ZNF234: variants seen among roughly 807,000 people sequenced by gnomAD.
ZNF234 encodes the protein C2-H2 type zinc finger protein.
In ZNF234, 4 loss-of-function variants were observed where a neutral mutation model predicts 10.3. That is an observed-to-expected ratio of 0.39 (90% CI 0.19 to 0.89). The LOEUF (loss-of-function observed/expected upper bound fraction) is 0.89, where lower values mean the gene tolerates loss of function less well. Ranked by LOEUF, ZNF234 falls within the 40% of genes least tolerant of loss-of-function variation. The pLI is 0.38. For missense variants in ZNF234, 711 were observed against 836.1 expected (o/e 0.85, Z 1.85); for synonymous variants, 258 against 280.1 (o/e 0.92, Z 0.79).
intron 3 of ZNF234, 112 bp from the exon 4 acceptor site, chr19:44,148,659 A>T: frequency 7.0e-7 from 1 of 1,430,324 alleles, no homozygotes; most frequent in East Asian, 2.3e-5. Flanking sequence ...TCTACACATT[A>T]AGTCTCTGAA....
chr19:44,144,430 G>A (rs1780620019), intron 2 of ZNF234, 127 bp from the exon 3 acceptor site: 1 of 408,244 alleles, frequency 2.4e-6, no homozygotes, highest in Middle Eastern at 4.8e-4. Flanking sequence ...CATTTTGGTT[G>A]TGTGCAGTTT....
At position 44,157,540 on chromosome 19, in the gene ZNF234, G is replaced by A. The variant is rs757931828; in HGVS notation, c.1524G>A (p.Gly508=). The A allele has an allele frequency of 5.6e-6, 9 of 1,613,642 alleles. No homozygotes were observed. The highest frequency in any genetic ancestry group is 5.9e-6 in the Non-Finnish European group (7 of 1,179,948). The change falls in exon 6 of 6, where the codon GGG becomes GGA. Residue 508 remains glycine, a synonymous_variant. Coordinates refer to ENST00000426739, the MANE Select transcript of ZNF234 (RefSeq NM_006630.3). ...DLKIHCRIHT[G]EKPYNCEECG... ...AAATTCATTGTAGGATCCACACAGG[G>A]GAGAAACCATATAATTGTGAGGAGT...
At chr19:44,150,319 G>C (rs1968707015) in intron 4 of ZNF234, 94 bp from the exon 5 acceptor site, 1 of 800,982 alleles carries the variant, frequency 1.2e-6, no homozygotes, top group Non-Finnish European at 1.8e-6. Context: ...ACTTTTGATT[G>C]ATTGATCAGT....
chr19:44,150,639 C>T lies in ZNF234; in HGVS notation c.235+134C>T, dbSNP rs184064949. Reference sequence around the variant, plus strand: ...TGATTGCAACAGCCTTCGTACTGGGCGCACTGCATCCACCCTCAATAGTAT... The same window carrying T: ...TGATTGCAACAGCCTTCGTACTGGGTGCACTGCATCCACCCTCAATAGTAT... On this transcript the variant is annotated intron_variant, in intron 5 of 5. Coordinates refer to ENST00000426739, the MANE Select transcript of ZNF234 (RefSeq NM_006630.3). 2.9e-4 allele frequency: 179 copies of T among 626,924 alleles called. 2 individuals are homozygous for T. The highest frequency in any genetic ancestry group is 2.0e-3 in the South Asian group (94 of 46,816). 38.8% of individuals were successfully genotyped at this position (626,924 alleles called of 1,614,324 possible).
chr19:44,148,670 A>C, intron 3 of ZNF234, 101 bp from the exon 4 acceptor site: 6 of 1,532,384 alleles, frequency 3.9e-6, no homozygotes, highest in Non-Finnish European at 5.4e-6. Context: ...AGTCTCTGAA[A>C]ATCTGGACCA....
At chr19:44,144,291 C>T (rs1326624324) in intron 2 of ZNF234, among the ~76,000 whole-genome samples, 1 of 152,202 alleles carries the variant, frequency 6.6e-6, no homozygotes. Flanking sequence ...GCTTCTTTCA[C>T]TCAGCATAGT....
chr19:44,148,046 G>A (rs1322575789), intron 3 of ZNF234, among the ~76,000 whole-genome samples: 4 of 152,142 alleles, frequency 2.6e-5, no homozygotes, highest in Admixed American at 2.6e-4. Flanking sequence ...AATAATAATA[G>A]ATAATAGCTA....
chr19:44,151,367 G>A (rs576909042), intron 5 of ZNF234, among the ~76,000 whole-genome samples: 2 of 151,818 alleles, frequency 1.3e-5, no homozygotes, highest in African/African-American at 2.4e-5. Flanking sequence ...CACGTCCGGC[G>A]GATTTTTGTA....
intron 5 of ZNF234, among the ~76,000 whole-genome samples, chr19:44,154,173 T>G (rs1051243175): frequency 1.3e-5 from 2 of 152,174 alleles, no homozygotes; most frequent in Non-Finnish European, 2.9e-5. Context: ...GAACCATCCA[T>G]CTCGCTATCT....
intron 5 of ZNF234, among the ~76,000 whole-genome samples, chr19:44,153,103 G>T (rs916646895): frequency 3.4e-5 from 5 of 145,566 alleles, no homozygotes; most frequent in African/African-American, 1.3e-4. Flanking sequence ...ATAGAGACTT[G>T]TCCTCCTCAA....
chr19:44,157,996 G>T lies in ZNF234; in HGVS notation c.1980G>T (p.Arg660Ser). 6.2e-7 allele frequency: 1 copy of T among 1,613,912 alleles called. No homozygotes were observed. The highest frequency in any genetic ancestry group is 2.2e-5 in the East Asian group (1 of 44,880). ...ACAAATGTGAGATATGTGGTAAGAG[G>T]TTCAGCTGGCGATCAAATCTTGTAA... ...KPYKCEICGK[R>S]FSWRSNLVSH... The change falls in exon 6 of 6, where the codon AGG becomes AGT. Residue 660 changes from arginine (R) to serine (S), a missense_variant. Coordinates refer to ENST00000426739, the MANE Select transcript of ZNF234 (RefSeq NM_006630.3).
In ZNF234 at chr19:44,150,328, G is replaced by A. The variant is rs1344885390; in HGVS notation, c.143-85G>A. The stretch of plus-strand genomic sequence containing the variant: ...AACACTACTTTTGATTGATTGATCA[G>A]TATACAGTAGTAATTCAAATTGCCA... On this transcript the variant is annotated intron_variant, in intron 4 of 5. Transcript: ENST00000426739. The A allele has an allele frequency of 5.0e-6, 5 of 1,006,790 alleles. No individual in the cohort carries two copies. The African/African-American group carries it at 6.5e-5, about 13-fold the overall frequency. 62.4% of individuals were successfully genotyped at this position (1,006,790 alleles called of 1,614,324 possible).
intron 5 of ZNF234, among the ~76,000 whole-genome samples, chr19:44,155,189 C>A (rs1384046248): frequency 2.0e-5 from 3 of 152,064 alleles, no homozygotes; most frequent in African/African-American, 7.2e-5. Flanking sequence ...TAATAGTTGT[C>A]AGCTCATTTA....
intron 2 of ZNF234, 59 bp from the exon 3 acceptor site, chr19:44,144,498 C>T: frequency 1.6e-6 from 1 of 640,964 alleles, no homozygotes; most frequent in Non-Finnish European, 2.5e-6. Flanking sequence ...CAGTACACAT[C>T]TGTGTTGGTG....
chr19:44,149,042 A>G (rs1968670445), intron 4 of ZNF234, 145 bp downstream of exon 4: 2 of 992,820 alleles, frequency 2.0e-6, no homozygotes, highest in Non-Finnish European at 2.9e-6. Context: ...GTGAAATAAA[A>G]TGAGATAGAA....
At chr19:44,154,465 T>C (rs1358457075) in intron 5 of ZNF234, among the ~76,000 whole-genome samples, 1 of 152,138 alleles carries the variant, frequency 6.6e-6, no homozygotes, top group African/African-American at 2.4e-5. Flanking sequence ...TTAGTCAGTA[T>C]GTGGTTAGGT....
intron 1 of ZNF234, 179 bp from the exon 2 acceptor site, chr19:44,142,135 A>T (rs915992530): frequency 2.0e-5 from 3 of 152,326 alleles, no homozygotes; most frequent in African/African-American, 7.2e-5. Context: ...GAGCTCCAGC[A>T]GCAGGGGCCT....
At chr19:44,143,628 A>C (rs1442085862) in intron 2 of ZNF234, among the ~76,000 whole-genome samples, 1 of 151,002 alleles carries the variant, frequency 6.6e-6, no homozygotes, top group African/African-American at 2.4e-5. Flanking sequence ...AAAAAAAAAA[A>C]AAAAGAAAAC....
intron 5 of ZNF234, among the ~76,000 whole-genome samples, chr19:44,151,167 C>T (rs924415908): frequency 3.3e-5 from 5 of 152,086 alleles, no homozygotes; most frequent in African/African-American, 1.2e-4. Flanking sequence ...TATTCTACCT[C>T]TTGCTCCATC....
Sources: gnomAD v4.1 joint callset for allele counts (sites outside exome capture counted in the v4.1 genomes callset) on GRCh38, gnomAD v4.1.1 for gene constraint, MANE v1.5 for transcripts, NCBI Gene and HGNC (gene_info 2026-07-23, HGNC 2026-07-21) for gene names.